The following ADSS2 variants were observed in gnomAD, a reference collection of about 807,000 sequenced individuals.
The protein encoded by ADSS2 is adenylosuccinate synthetase isozyme 2.
In ADSS2, 30 loss-of-function variants were observed where a neutral mutation model predicts 60.0. The ratio of observed to expected loss-of-function variants is 0.50; its 90% confidence interval spans 0.37 to 0.68. ADSS2 has a LOEUF of 0.68. ADSS2 is among the 30% of genes least tolerant of loss of function. The pLI is 0.00. For missense variants in ADSS2, 373 were observed against 554.8 expected (o/e 0.67, Z 3.29); for synonymous variants, 187 against 193.1 (o/e 0.97, Z 0.26).
At chr1:244,447,666 A>G (rs889102849) in intron 1 of ADSS2, among the ~76,000 whole-genome samples, 14 of 152,204 alleles carry the variant, frequency 9.2e-5, no homozygotes, top group South Asian at 6.2e-4. Flanking sequence ...TAATATAAAC[A>G]AAGACTTTGA....
intron 1 of ADSS2, among the ~76,000 whole-genome samples, chr1:244,440,361 T>C (rs1464186105): frequency 3.3e-5 from 5 of 151,982 alleles, no homozygotes; most frequent in South Asian, 2.1e-4. Flanking sequence ...AAAAAGCAAA[T>C]ACCTATTTAC....
chr1:244,447,428 T>C (rs1665421371), intron 1 of ADSS2, among the ~76,000 whole-genome samples: 3 of 152,164 alleles, frequency 2.0e-5, no homozygotes, highest in Non-Finnish European at 2.9e-5. Context: ...GATGGTCTCA[T>C]ACACGTTTAA....
In ADSS2 at chr1:244,420,157, A is replaced by G; in HGVS notation, c.790+13T>C. The G allele has an allele frequency of 1.2e-6, 2 of 1,612,508 alleles. No homozygotes were observed. The highest frequency in any genetic ancestry group is 1.7e-6 in the Non-Finnish European group (2 of 1,179,130). On this transcript the variant is annotated intron_variant, in intron 8 of 12. Coordinates refer to ENST00000366535, the MANE Select transcript of ADSS2 (RefSeq NM_001126.5). The stretch of plus-strand genomic sequence containing the variant: ...AGTTAAGCTCCCTTAACTATAAGTC[A>G]TATCTCACTTACCAAAATCAATATC...
intron 1 of ADSS2, among the ~76,000 whole-genome samples, chr1:244,441,530 G>A (rs888278019): frequency 6.6e-6 from 1 of 151,904 alleles, no homozygotes; most frequent in Non-Finnish European, 1.5e-5. Context: ...TTTTTTTAGA[G>A]ATGGGGTCTC....
rs3006002 is a variant in ADSS2 at position 244,441,315 on chromosome 1, T to C, written c.184-3547A>G. Among the ~76,000 whole-genome samples, 865 of 152,130 alleles carry C rather than the reference T, an allele frequency of 5.7e-3. 6 individuals carry two copies. Among genetic ancestry groups the C allele is most frequent in the African/African-American group, 0.018 (746 of 41,508 alleles). Reference sequence around the variant, plus strand: ...CTTTGTGATCCGCCCGCCTCGGCCTTCCAAAGTGCTGGGATTACAGGCGTG... The same window carrying C: ...CTTTGTGATCCGCCCGCCTCGGCCTCCCAAAGTGCTGGGATTACAGGCGTG... On this transcript the variant is annotated intron_variant, in intron 1 of 12. Transcript: ENST00000366535.
chr1:244,436,974 C>T (rs761134009), intron 2 of ADSS2, 81 bp from the exon 3 acceptor site: 110 of 1,159,116 alleles, frequency 9.5e-5, no homozygotes, highest in Non-Finnish European at 1.2e-4. Context: ...TGATTTACCA[C>T]GGTGTTACCA....
chr1:244,412,445 C>A (rs941201644), intron 11 of ADSS2, among the ~76,000 whole-genome samples: 1 of 152,194 alleles, frequency 6.6e-6, no homozygotes, highest in African/African-American at 2.4e-5. Flanking sequence ...CACTGGCTAG[C>A]TGGCTGGCTG....
chr1:244,429,168 T>G (rs983779104), intron 4 of ADSS2, among the ~76,000 whole-genome samples: 1 of 152,222 alleles, frequency 6.6e-6, no homozygotes, highest in Non-Finnish European at 1.5e-5. Context: ...GGTGTTTTAC[T>G]GATTGGGGAA....
At chr1:244,439,203 C>G (rs1665175600) in intron 1 of ADSS2, among the ~76,000 whole-genome samples, 1 of 152,198 alleles carries the variant, frequency 6.6e-6, no homozygotes, top group Non-Finnish European at 1.5e-5. Flanking sequence ...CCAGTTCCAT[C>G]CACGTTGTTG....
intron 11 of ADSS2, among the ~76,000 whole-genome samples, chr1:244,413,599 A>G (rs1461249013): frequency 6.6e-6 from 1 of 152,222 alleles, no homozygotes; most frequent in Non-Finnish European, 1.5e-5. Context: ...TGAAGCAGCT[A>G]GAATCAGCAG....
rs144800092 is a variant in ADSS2 at position 244,438,743 on chromosome 1, G to A, written c.184-975C>T. ...TTGCCTCAGAATCACTAGGCTGATCGTGAGGCTATTTTTTTCATTTTTCAT... is the reference window on the plus strand; with the variant it reads ...TTGCCTCAGAATCACTAGGCTGATCATGAGGCTATTTTTTTCATTTTTCAT... On this transcript the variant is annotated intron_variant, in intron 1 of 12. Transcript: ENST00000366535. Among the ~76,000 whole-genome samples the A allele has an allele frequency of 5.8e-3, 881 of 152,112 alleles. 7 individuals carry two copies. The highest frequency in any genetic ancestry group is 0.013 in the Admixed American group (192 of 15,292).
At chr1:244,410,621 T>A (rs1664390654) in intron 12 of ADSS2, among the ~76,000 whole-genome samples, 1 of 152,086 alleles carries the variant, frequency 6.6e-6, no homozygotes, top group African/African-American at 2.4e-5. Flanking sequence ...CCATAAACCA[T>A]TTTTAACCCC....
At chr1:244,450,018 T>TGA (rs1665493376) in intron 1 of ADSS2, among the ~76,000 whole-genome samples, 3 of 152,248 alleles carry the variant, frequency 2.0e-5, no homozygotes, top group Non-Finnish European at 4.4e-5. Flanking sequence ...CAAACCTTCT[T>TGA]ACAACCCATA....
rs899867958 is a variant in ADSS2, at chr1:244,451,043, A to C, written c.183+592T>G. Among the ~76,000 whole-genome samples the C allele has an allele frequency of 2.0e-5, 3 of 152,242 alleles. No homozygotes were observed. The highest frequency in any genetic ancestry group is 4.4e-5 in the Non-Finnish European group (3 of 68,040). On this transcript the variant is annotated intron_variant, in intron 1 of 12. Transcript: ENST00000366535. The surrounding 1 kb of genome is among the most constrained non-coding windows in gnomAD (Gnocchi z 6.6). ...ACTCAGGGCCCTAAAACAACAGTCC[A>C]AAGCCCAGAGGTGGGTGGGTTTGGA... is the stretch of plus-strand genomic sequence containing the variant.
intron 1 of ADSS2, 84 bp from the exon 2 acceptor site, chr1:244,437,852 CCT>C: frequency 9.9e-7 from 1 of 1,010,076 alleles, no homozygotes; most frequent in African/African-American, 1.6e-5. Flanking sequence ...TTAATGACCT[CCT>C]GCCAAAAGGT....
At chr1:244,415,329 TA>T (rs1289707220) in intron 11 of ADSS2, among the ~76,000 whole-genome samples, 1 of 152,240 alleles carries the variant, frequency 6.6e-6, no homozygotes, top group Non-Finnish European at 1.5e-5. Context: ...GATACTTTTT[TA>T]TAAGATATCT....
At chr1:244,438,977 G>A (rs1327616079) in intron 1 of ADSS2, among the ~76,000 whole-genome samples, 4 of 151,898 alleles carry the variant, frequency 2.6e-5, no homozygotes, top group Non-Finnish European at 5.9e-5. Flanking sequence ...TCAAATACTA[G>A]ATGTATTTTT....
intron 7 of ADSS2, among the ~76,000 whole-genome samples, chr1:244,420,993 A>G (rs1390616166): frequency 2.0e-5 from 3 of 152,184 alleles, no homozygotes; most frequent in Admixed American, 6.5e-5. Context: ...CCAACCATGA[A>G]TTTTGAAACT....
intron 12 of ADSS2, 66 bp downstream of exon 12, chr1:244,411,221 A>AG: frequency 6.8e-7 from 1 of 1,466,200 alleles, no homozygotes; most frequent in East Asian, 2.3e-5. Flanking sequence ...TCCGTCTCAA[A>AG]AAAAAAAAAA....
Sources: gnomAD v4.1 joint callset for allele counts (sites outside exome capture counted in the v4.1 genomes callset) on GRCh38, gnomAD v4.1.1 for gene constraint, Gnocchi (gnomAD v3.1) non-coding constraint, MANE v1.5 for transcripts, NCBI Gene and HGNC (gene_info 2026-07-23, HGNC 2026-07-21) for gene names.